The following CFAP47 variants were observed in gnomAD, a reference collection of about 807,000 sequenced individuals.
The protein encoded by CFAP47 is cilia and flagella associated protein 47, also known as cilia- and flagella-associated protein 47.
CFAP47 carries 29 observed loss-of-function variants against 148.1 expected under a neutral mutation model. The ratio of observed to expected loss-of-function variants is 0.20; its 90% CI spans 0.15 to 0.27. The LOEUF (loss-of-function observed/expected upper bound fraction) is 0.27. CFAP47 is among the 10% of genes least tolerant of loss of function. CFAP47 has a pLI of 1.00. For synonymous variants in CFAP47, 664 were observed against 577.3 expected (o/e 1.15, Z -2.15); for missense variants, 1,872 against 1,697.5 (o/e 1.10, Z -1.81).
chrX:36,167,347 G>A lies in CFAP47; in HGVS notation c.6026+6578G>A, dbSNP rs181013635. Among the ~76,000 whole-genome samples, 6 of 111,619 alleles carry A rather than the reference G, an allele frequency of 5.4e-5. No homozygotes were observed. The East Asian group carries it at 1.7e-3, about 32-fold the overall frequency. ...ATCCATGACTCTAGAGCTAGGGGTG[G>A]GGACAATGGTGCACTTTTTCTTCAG... On this transcript the variant is annotated intron_variant, in intron 39 of 63. Coordinates refer to ENST00000378653, the MANE Select transcript of CFAP47 (RefSeq NM_001304548.2).
intron 33 of CFAP47, among the ~76,000 whole-genome samples, chrX:36,118,027 C>T (rs942873514): frequency 9.0e-6 from 1 of 111,527 alleles, no homozygotes; most frequent in Non-Finnish European, 1.9e-5. Flanking sequence ...TTCTTAACAC[C>T]TTTCTCAAAA....
At chrX:36,167,412 G>A (rs918032583) in intron 39 of CFAP47, among the ~76,000 whole-genome samples, 2 of 111,336 alleles carry the variant, frequency 1.8e-5, no homozygotes, top group Non-Finnish European at 3.8e-5. Context: ...AGGTGGGCAA[G>A]GGGGCAAAAT....
chrX:36,140,739 T>G (rs1939124712), intron 35 of CFAP47, among the ~76,000 whole-genome samples: 1 of 112,212 alleles, frequency 8.9e-6, no homozygotes, highest in East Asian at 2.8e-4. Context: ...TTAAGTTTCT[T>G]CTTTATTATG....
chrX:36,274,956 T>C (rs1940998175), intron 49 of CFAP47, among the ~76,000 whole-genome samples: 1 of 112,176 alleles, frequency 8.9e-6, no homozygotes, highest in Non-Finnish European at 1.9e-5. Context: ...CATATGATGT[T>C]ACGTGTGAGT....
chrX:36,155,995 A>G (rs1037239818), intron 37 of CFAP47, among the ~76,000 whole-genome samples: 3 of 111,281 alleles, frequency 2.7e-5, no homozygotes, highest in Non-Finnish European at 3.8e-5. Context: ...GTGCCTGCCT[A>G]CTCTTGAGGA....
chrX:36,142,197 C>T (rs1262847262), intron 35 of CFAP47, among the ~76,000 whole-genome samples: 2 of 111,133 alleles, frequency 1.8e-5, no homozygotes, highest in Non-Finnish European at 3.8e-5. Flanking sequence ...AAAGATATGG[C>T]ACATTAAATC....
chrX:36,371,646 G>GTGTATATATGTGTGTATATACACACATA, intron 62 of CFAP47, among the ~76,000 whole-genome samples: 2 of 81,243 alleles, frequency 2.5e-5, no homozygotes, highest in Non-Finnish European at 4.6e-5. Context: ...ACACACATAT[G>GTGTATATATGTGTGTATATACACACATA]TGTATATATG....
chrX:36,309,539 C>T (rs781962279), intron 55 of CFAP47, among the ~76,000 whole-genome samples: 5 of 110,949 alleles, frequency 4.5e-5, no homozygotes, highest in Non-Finnish European at 7.6e-5. Context: ...CCATTCTGAA[C>T]CCAAGTGAAT....
intron 39 of CFAP47, among the ~76,000 whole-genome samples, chrX:36,171,699 A>C (rs1602025425): frequency 8.9e-6 from 1 of 111,801 alleles, no homozygotes; most frequent in East Asian, 2.8e-4. Context: ...TGGTTACTGT[A>C]GCCTTGTAAT....
chrX:35,993,676 A>G (rs903967646), intron 18 of CFAP47, among the ~76,000 whole-genome samples: 6 of 111,289 alleles, frequency 5.4e-5, no homozygotes, highest in Middle Eastern at 4.6e-3. Context: ...GGAAATTTCT[A>G]CTAAGTTGAA....
intron 62 of CFAP47, among the ~76,000 whole-genome samples, chrX:36,370,649 A>G (rs1266572695): frequency 1.8e-5 from 2 of 110,708 alleles, no homozygotes; most frequent in East Asian, 2.9e-4. Flanking sequence ...TAGCTTATTT[A>G]CCAGCCCTTG....
In CFAP47 at chrX:36,371,758, ATG is replaced by A. The variant is rs1238568109; in HGVS notation, c.9185+4637_9185+4638del. 2.8e-4 allele frequency among the ~76,000 whole-genome samples: 14 copies of A among 50,211 alleles called. 4 individuals are homozygous for A. The highest frequency in any genetic ancestry group is 2.0e-3 in the African/African-American group (13 of 6,594). The allele number at this position is 50,211 out of a possible 115,157, so 43.6% of individuals were successfully genotyped here. On this transcript the variant is annotated intron_variant, in intron 62 of 63. Coordinates refer to ENST00000378653, the MANE Select transcript of CFAP47 (RefSeq NM_001304548.2). ...TGTATATATGTGTGTATATACACAC[ATG>A]TGTGTATATACACACATGTGTATAT...
At chrX:36,064,962 A>G (rs1006703011) in intron 26 of CFAP47, among the ~76,000 whole-genome samples, 2 of 111,789 alleles carry the variant, frequency 1.8e-5, no homozygotes, top group African/African-American at 6.5e-5. Context: ...CTTTTGCAGT[A>G]TATATTGCTT....
rs1159675468 is a variant in CFAP47 at position 36,158,028 on chromosome X, T to A, written c.5787-1398T>A. On this transcript the variant is annotated intron_variant, in intron 37 of 63. Coordinates refer to ENST00000378653, the MANE Select transcript of CFAP47 (RefSeq NM_001304548.2). The stretch of plus-strand genomic sequence containing the variant: ...CTCCTGTAAGTTGTGAGCTGTAATT[T>A]TCCCTACAAAACTATTTTGAGAACA... 3.6e-5 allele frequency among the ~76,000 whole-genome samples: 4 copies of A among 111,677 alleles called. No individual in the cohort carries two copies. In the Admixed American group the frequency reaches 3.8e-4, roughly 11 times the overall value.
At chrX:36,222,414 TG>T (rs1940222050) in intron 45 of CFAP47, among the ~76,000 whole-genome samples, 1 of 110,113 alleles carries the variant, frequency 9.1e-6, no homozygotes, top group African/African-American at 3.3e-5. Flanking sequence ...TAAATCTCCC[TG>T]GTAATAGAAA....
intron 39 of CFAP47, among the ~76,000 whole-genome samples, chrX:36,177,973 CATATGCACCATGGA>C (rs373593199): frequency 3.6e-5 from 4 of 111,806 alleles, no homozygotes; most frequent in African/African-American, 1.3e-4. Flanking sequence ...AAACGTGGTA[CATATGCACCATGGA>C]ATACTCTGCA....
In CFAP47 at chrX:35,955,176, T is replaced by C. The variant is rs113854988; in HGVS notation, c.1175-785T>C. On this transcript the variant is annotated intron_variant, in intron 7 of 63. Coordinates refer to ENST00000378653, the MANE Select transcript of CFAP47 (RefSeq NM_001304548.2). ...ACATTTCCATAAGAATATCTACTAG[T>C]TATCTCAACTTAACATGTCCCAAAC... 4.7e-3 allele frequency among the ~76,000 whole-genome samples: 531 copies of C among 111,816 alleles called. 3 individuals are homozygous for C. Among genetic ancestry groups the C allele is most frequent in the African/African-American group, 0.016 (505 of 30,839 alleles).
At chrX:36,113,074 C>T (rs935797670) in intron 33 of CFAP47, among the ~76,000 whole-genome samples, 6 of 111,562 alleles carry the variant, frequency 5.4e-5, no homozygotes, top group Non-Finnish European at 9.4e-5. Flanking sequence ...TTAATTGGGG[C>T]GTATAGCCCT....
intron 19 of CFAP47, among the ~76,000 whole-genome samples, 197 bp from the exon 20 acceptor site, chrX:36,000,086 G>A (rs1387552812): frequency 9.0e-6 from 1 of 110,666 alleles, no homozygotes; most frequent in Non-Finnish European, 1.9e-5. Flanking sequence ...GAAAGGGGAA[G>A]AATTAATAGG....
Sources: allele counts gnomAD v4.1 joint callset (sites outside exome capture counted in the v4.1 genomes callset), GRCh38; gene constraint gnomAD v4.1.1; transcripts MANE v1.5; gene names NCBI Gene and HGNC (gene_info 2026-07-23, HGNC 2026-07-21).